Variants in FRMD3 observed in about 807,000 individuals in gnomAD.
The protein encoded by FRMD3 is FERM domain containing 3.
Under a neutral mutation model 70.2 loss-of-function variants are expected in FRMD3, and 33 were observed. That is an observed-to-expected ratio of 0.47 (90% CI 0.36 to 0.63). The LOEUF (loss-of-function observed/expected upper bound fraction) is 0.63, where lower values mean the gene tolerates loss of function less well. FRMD3 is among the 20% of genes least tolerant of loss of function. The pLI is 0.00. For synonymous variants in FRMD3, 279 were observed against 255.9 expected (o/e 1.09, Z -0.86); for missense variants, 632 against 711.4 (o/e 0.89, Z 1.27).
intron 3 of FRMD3, among the ~76,000 whole-genome samples, chr9:83,363,704 G>C (rs111672409): frequency 6.4e-4 from 97 of 152,102 alleles, no homozygotes; most frequent in African/African-American, 2.3e-3. Flanking sequence ...ACAGGCGCCC[G>C]CCACCTCGCC....
At chr9:83,354,086 G>A (rs2889245) in intron 3 of FRMD3, among the ~76,000 whole-genome samples, 19,253 of 151,996 alleles carry the variant, frequency 0.13, 1,318 homozygotes, top group Non-Finnish European at 0.15. Context: ...CACAATGCCT[G>A]GCTAATTTTT....
At chr9:83,539,773 G>A (rs1269023969), upstream of FRMD3, among the ~76,000 whole-genome samples, 1 of 152,338 alleles carries the variant, frequency 6.6e-6, no homozygotes, top group East Asian at 1.9e-4. Flanking sequence ...CTCAGTCTCA[G>A]TATCTGCTCC....
chr9:83,419,086 GAGT>G (rs1432804614), intron 1 of FRMD3, among the ~76,000 whole-genome samples: 2 of 152,116 alleles, frequency 1.3e-5, no homozygotes, highest in Non-Finnish European at 2.9e-5. Context: ...GCTAAGCTAT[GAGT>G]ACACAAAGGC....
At chr9:83,389,837 G>A (rs2131297239) in intron 1 of FRMD3, 129 bp from the exon 2 acceptor site, 1 of 638,472 alleles carries the variant, frequency 1.6e-6, no homozygotes, top group African/African-American at 1.8e-5. Flanking sequence ...CCCTGAAGAA[G>A]GGGCTTCCAA....
chr9:83,426,843 G>A (rs1826825081), intron 1 of FRMD3, among the ~76,000 whole-genome samples: 1 of 152,206 alleles, frequency 6.6e-6, no homozygotes, highest in Non-Finnish European at 1.5e-5. Context: ...CTTGGCAGAA[G>A]GGACACCAAG....
At chr9:83,295,985 C>T (rs1213364080) in intron 12 of FRMD3, among the ~76,000 whole-genome samples, 1 of 152,188 alleles carries the variant, frequency 6.6e-6, no homozygotes, top group African/African-American at 2.4e-5. Flanking sequence ...ACACACACAC[C>T]TCAGCAGATG....
chr9:83,511,923 C>T (rs1171677432), intron 1 of FRMD3, among the ~76,000 whole-genome samples: 2 of 152,112 alleles, frequency 1.3e-5, no homozygotes, highest in African/African-American at 4.8e-5. Context: ...TTTGCAGGGC[C>T]CCTTTCTGAA....
Position 83,246,571 on chromosome 9 carries a change from C to A in FRMD3, c.*1347G>T. 3.0e-6 allele frequency: 3 copies of A among 984,900 alleles called. No homozygotes were observed. The South Asian group carries it at 1.4e-4, about 46-fold the overall frequency. 61.0% of individuals were successfully genotyped at this position (984,900 alleles called of 1,614,324 possible). A position where few individuals can be genotyped will look rare whatever the true frequency, so the allele number is the denominator to read the frequency against. ...CTATGGAAGTCAAATTTTAAAACAA[C>A]TGGGAAAGGAAAGGAGTATAATGAC... On this transcript the variant is annotated 3_prime_UTR_variant, in exon 14 of 14. Coordinates refer to ENST00000304195, the MANE Select transcript of FRMD3 (RefSeq NM_174938.6).
At chr9:83,401,148 C>A (rs1334460218) in intron 1 of FRMD3, among the ~76,000 whole-genome samples, 1 of 152,174 alleles carries the variant, frequency 6.6e-6, no homozygotes, top group Non-Finnish European at 1.5e-5. Context: ...TCCACGTAAG[C>A]CCCAGGAGCT....
chr9:83,395,077 G>T, intron 1 of FRMD3, among the ~76,000 whole-genome samples: 1 of 152,094 alleles, frequency 6.6e-6, no homozygotes, highest in East Asian at 1.9e-4. Flanking sequence ...TCATCTCACA[G>T]ATCTTAAAAT....
chr9:83,505,485 G>A (rs1012699353), intron 1 of FRMD3, among the ~76,000 whole-genome samples: 3 of 152,162 alleles, frequency 2.0e-5, no homozygotes, highest in African/African-American at 7.2e-5. Context: ...GCTGAGTAGA[G>A]AGGCGATAGG....
chr9:83,573,147 A>C, the FRMD3 span, among the ~76,000 whole-genome samples: 2 of 152,210 alleles, frequency 1.3e-5, no homozygotes, highest in Non-Finnish European at 2.9e-5. Context: ...ATTTATGTTC[A>C]GTTTAGGTCA....
intron 1 of FRMD3, among the ~76,000 whole-genome samples, chr9:83,395,968 A>G (rs929830353): frequency 2.0e-5 from 3 of 152,238 alleles, no homozygotes; most frequent in Admixed American, 6.5e-5. Context: ...AAGAACTACT[A>G]TTCATTTAAC....
Position 83,310,534 on chromosome 9 carries a change from T to C in FRMD3, c.788A>G (p.Lys263Arg), listed in dbSNP as rs376710728. ...AAATGTCTTCCCTTCAAACTTCAAT[T>C]TGCAGACATCTGGCCTAAGAAAAGA... ...IHLIKWPDVC[K>R]LKFEGKTFYV... The change falls in exon 9 of 14, where the codon AAA becomes AGA. Residue 263 changes from lysine to arginine, a missense_variant. Around this residue, in one of 3 missense-constraint regions of FRMD3, gnomAD observed 418 missense variants for 442.1 expected, o/e 0.95. Coordinates refer to ENST00000304195, the MANE Select transcript of FRMD3 (RefSeq NM_174938.6). 3 of 1,602,746 alleles carry C rather than the reference T, an allele frequency of 1.9e-6. No individual in the cohort carries two copies. Among genetic ancestry groups the C allele is most frequent in the Non-Finnish European group, 2.5e-6 (3 of 1,177,270 alleles).
chr9:83,327,539 G>A (rs1353232457), intron 6 of FRMD3, among the ~76,000 whole-genome samples: 1 of 152,144 alleles, frequency 6.6e-6, no homozygotes, highest in African/African-American at 2.4e-5. Flanking sequence ...CGTCAGCAAG[G>A]GCTTCCCCAC....
intron 1 of FRMD3, among the ~76,000 whole-genome samples, chr9:83,472,854 C>T (rs1272912646): frequency 6.6e-6 from 1 of 152,096 alleles, no homozygotes; most frequent in East Asian, 1.9e-4. Context: ...ACCTCAAATG[C>T]ACATAATTTA....
chr9:83,256,671 GA>G (rs148078066), intron 13 of FRMD3, among the ~76,000 whole-genome samples: 16,389 of 147,622 alleles, frequency 0.11, 2,880 homozygotes, highest in African/African-American at 0.37. Context: ...TTTATCAGGG[GA>G]AAAAAAAACC....
chr9:83,371,002 T>G (rs2375920), intron 3 of FRMD3, among the ~76,000 whole-genome samples: 10,719 of 152,262 alleles, frequency 0.07, 435 homozygotes, highest in East Asian at 0.14. Context: ...AGTTTTAAAC[T>G]TCTCACAAAG....
At chr9:83,432,658 T>C (rs1827016576) in intron 1 of FRMD3, among the ~76,000 whole-genome samples, 1 of 152,236 alleles carries the variant, frequency 6.6e-6, no homozygotes, top group Non-Finnish European at 1.5e-5. Flanking sequence ...CCTGAATAAA[T>C]ATCTGTTTGT....
Sources: gnomAD v4.1 joint callset for allele counts (sites outside exome capture counted in the v4.1 genomes callset) on GRCh38, gnomAD v4.1.1 for gene constraint, gnomAD v4.1.1 regional missense constraint, MANE v1.5 for transcripts, NCBI Gene and HGNC (gene_info 2026-07-23, HGNC 2026-07-21) for gene names.